Variants in GRIP1 observed in about 807,000 individuals in gnomAD.
GRIP1 encodes the protein glutamate receptor-interacting protein 1.
A neutral mutation model predicts 129.9 loss-of-function variants in GRIP1; 45 were observed. The ratio of observed to expected loss-of-function variants is 0.35; its 90% CI spans 0.27 to 0.44. The LOEUF (loss-of-function observed/expected upper bound fraction) is 0.44. Ranked by LOEUF, GRIP1 falls within the 20% of genes least tolerant of loss-of-function variation. The pLI, the probability that GRIP1 is intolerant of heterozygous loss-of-function variation, is 1.00. For synonymous variants in GRIP1, 530 were observed against 520.8 expected (o/e 1.02, Z -0.24); for missense variants, 1,196 against 1,396.8 (o/e 0.86, Z 2.29).
chr12:66,613,083 C>G (rs1028322356), intron 1 of GRIP1, among the ~76,000 whole-genome samples: 1 of 152,106 alleles, frequency 6.6e-6, no homozygotes, highest in South Asian at 2.1e-4. Context: ...CACAAGAAAC[C>G]TATTAAGTAT....
intron 1 of GRIP1, among the ~76,000 whole-genome samples, chr12:66,968,605 C>T (rs1046949405): frequency 7.9e-5 from 12 of 152,088 alleles, no homozygotes; most frequent in African/African-American, 2.9e-4. Flanking sequence ...TAATACTATG[C>T]CATTTCATGT....
At chr12:66,641,998 G>T (rs895310844) in intron 1 of GRIP1, among the ~76,000 whole-genome samples, 1 of 152,324 alleles carries the variant, frequency 6.6e-6, no homozygotes, top group Admixed American at 6.5e-5. Flanking sequence ...AGAATTGACT[G>T]TGTGCCCTCA....
At chr12:66,995,719 T>C (rs527859238) in intron 1 of GRIP1, among the ~76,000 whole-genome samples, 32 of 152,264 alleles carry the variant, frequency 2.1e-4, no homozygotes, top group African/African-American at 7.2e-4. Flanking sequence ...TATACATTGC[T>C]TGGTAAGAAG....
intron 1 of GRIP1, among the ~76,000 whole-genome samples, chr12:66,965,373 G>GAAAA: frequency 6.6e-6 from 1 of 151,914 alleles, no homozygotes; most frequent in African/African-American, 2.4e-5. Context: ...AAAAGATTCT[G>GAAAA]CCTTTTTGGA....
At chr12:66,943,415 G>A (rs977155755) in intron 1 of GRIP1, among the ~76,000 whole-genome samples, 1 of 152,168 alleles carries the variant, frequency 6.6e-6, no homozygotes, top group Non-Finnish European at 1.5e-5. Flanking sequence ...CAACTACAGT[G>A]TATGTAACAA....
intron 2 of GRIP1, among the ~76,000 whole-genome samples, chr12:66,587,442 A>G (rs1350098630): frequency 6.6e-6 from 1 of 152,230 alleles, no homozygotes; most frequent in Non-Finnish European, 1.5e-5. Context: ...TTTATTGTAC[A>G]TAGCATAGCC....
chr12:66,782,508 C>T (rs970957939), intron 1 of GRIP1, among the ~76,000 whole-genome samples: 2 of 152,096 alleles, frequency 1.3e-5, no homozygotes, highest in Non-Finnish European at 2.9e-5. Context: ...CAATTAGAAA[C>T]GGAGGGGGCT....
chr12:66,602,079 A>G (rs1024660858), intron 1 of GRIP1, among the ~76,000 whole-genome samples: 1 of 152,182 alleles, frequency 6.6e-6, no homozygotes, highest in African/African-American at 2.4e-5. Context: ...ATGGTTTTTT[A>G]ATCAGAAAAG....
At chr12:66,597,032 A>G (rs2064080804) in intron 1 of GRIP1, 105 bp from the exon 2 acceptor site, 2 of 832,238 alleles carry the variant, frequency 2.4e-6, no homozygotes, top group Non-Finnish European at 4.2e-6. Flanking sequence ...GTGGTACAGT[A>G]CAGTGGAAAG....
chr12:66,681,649 C>T (rs1194017709), upstream of GRIP1, among the ~76,000 whole-genome samples: 1 of 152,082 alleles, frequency 6.6e-6, no homozygotes, highest in Non-Finnish European at 1.5e-5. Context: ...CTGTGAGGGT[C>T]ACCAAGTAGG....
In GRIP1 at chr12:67,037,281, T is replaced by C. The variant is rs187636944; in HGVS notation, c.58+31769A>G. The C allele has an allele frequency of 2.0e-3, 308 of 151,428 alleles. 1 individual carries two copies. Among genetic ancestry groups the C allele is most frequent in the African/African-American group, 6.7e-3 (277 of 41,340 alleles). The allele number at this position is 151,428 out of a possible 1,614,324, so 9.4% of individuals were successfully genotyped here. A position where few individuals can be genotyped will look rare whatever the true frequency, so the allele number is the denominator to read the frequency against. ...AGACGGACCTTGCAGTGAGCCGAGATTGGGCCACTGTACTCCAGCCTGGGC... is the reference window on the plus strand; with the variant it reads ...AGACGGACCTTGCAGTGAGCCGAGACTGGGCCACTGTACTCCAGCCTGGGC... On this transcript the variant is annotated intron_variant, in intron 1 of 1. Coordinates refer to the GRIP1 transcript ENST00000643019.
At chr12:67,037,572 G>C (rs1224570305) in intron 1 of GRIP1, 1 of 152,016 alleles carries the variant, frequency 6.6e-6, no homozygotes, top group Admixed American at 6.6e-5. Flanking sequence ...GAGGAGTTAT[G>C]ACGTTCATCA....
intron 1 of GRIP1, among the ~76,000 whole-genome samples, chr12:66,930,055 C>CTCTCTCTCTCTT (rs67075541): frequency 7.8e-6 from 1 of 128,772 alleles, no homozygotes; most frequent in African/African-American, 2.9e-5. Flanking sequence ...CTCTCTCTCT[C>CTCTCTCTCTCTT]TTTTTTTTTT....
At chr12:66,594,435 T>C (rs1245752890) in intron 2 of GRIP1, among the ~76,000 whole-genome samples, 1 of 152,184 alleles carries the variant, frequency 6.6e-6, no homozygotes, top group African/African-American at 2.4e-5. Context: ...CAACACAAAT[T>C]TGTAAATGTT....
At chr12:67,048,785 GTT>G (rs2043294890) in intron 1 of GRIP1, among the ~76,000 whole-genome samples, 1 of 152,090 alleles carries the variant, frequency 6.6e-6, no homozygotes, top group Non-Finnish European at 1.5e-5. Context: ...TAAAATGAAA[GTT>G]TCCCCACACA....
chr12:66,970,257 T>A (rs529390668), intron 1 of GRIP1, among the ~76,000 whole-genome samples: 8 of 152,254 alleles, frequency 5.3e-5, no homozygotes, highest in African/African-American at 1.7e-4. Context: ...AATCTTCTTA[T>A]TTTTTGTATA....
intron 1 of GRIP1, among the ~76,000 whole-genome samples, chr12:66,675,820 C>A (rs964658632): frequency 3.3e-5 from 5 of 152,134 alleles, no homozygotes; most frequent in African/African-American, 1.2e-4. Context: ...TTTCATGAAC[C>A]AAAGTTCCTC....
chr12:66,842,483 T>G (rs1355880993), intron 1 of GRIP1, among the ~76,000 whole-genome samples: 1 of 152,200 alleles, frequency 6.6e-6, no homozygotes, highest in East Asian at 1.9e-4. Context: ...CTTTGGGTGT[T>G]GTTATGAGTC....
intron 1 of GRIP1, among the ~76,000 whole-genome samples, chr12:66,784,436 T>C (rs2038255125): frequency 6.6e-6 from 1 of 152,172 alleles, no homozygotes; most frequent in Non-Finnish European, 1.5e-5. Flanking sequence ...TATATTCTCT[T>C]TTAGAGATGT....
Sources: gnomAD v4.1 joint callset for allele counts (sites outside exome capture counted in the v4.1 genomes callset) on GRCh38, gnomAD v4.1.1 for gene constraint, MANE v1.5 for transcripts, NCBI Gene and HGNC (gene_info 2026-07-23, HGNC 2026-07-21) for gene names.